Variants in TMEM101 observed in about 807,000 individuals in gnomAD.
The protein encoded by TMEM101 is transmembrane protein 101.
A neutral mutation model predicts 26.0 loss-of-function variants in TMEM101; 14 were observed. That is an observed-to-expected ratio of 0.54 (90% CI 0.36 to 0.84). The LOEUF (loss-of-function observed/expected upper bound fraction) is 0.84. Among genes scored for constraint, TMEM101 ranks in the 40% least tolerant of loss-of-function variants. The pLI, the probability that TMEM101 is intolerant of heterozygous loss-of-function variation, is 0.01. For synonymous variants in TMEM101, 152 were observed against 145.1 expected (o/e 1.05, Z -0.34); for missense variants, 292 against 345.1 (o/e 0.85, Z 1.22).
rs1028311169 is a variant in TMEM101, at chr17:44,012,395, C to G, written c.466-159G>C. ...CTGAAAGTAGGGCCTTTGTCTCCCC[C>G]TCGGACTATGGAGCCCCAGGAGATT... On this transcript the variant is annotated intron_variant, in intron 3 of 3. Coordinates refer to ENST00000206380, the MANE Select transcript of TMEM101 (RefSeq NM_032376.4). The G allele has an allele frequency of 7.4e-6, 5 of 676,076 alleles. No homozygotes were observed. The African/African-American group carries it at 9.1e-5, about 12-fold the overall frequency. 41.9% of individuals were successfully genotyped at this position (676,076 alleles called of 1,614,324 possible). A position where few individuals can be genotyped will look rare whatever the true frequency, so the allele number is the denominator to read the frequency against.
intron 3 of TMEM101, 98 bp downstream of exon 3, chr17:44,012,911 G>A: frequency 7.5e-7 from 1 of 1,337,812 alleles, no homozygotes; most frequent in African/African-American, 1.5e-5. Context: ...ACTGCACTCA[G>A]GGCCTCGTTC....
upstream of TMEM101, chr17:44,015,184 AG>A: frequency 1.0e-5 from 5 of 488,530 alleles, no homozygotes; most frequent in Non-Finnish European, 1.5e-5. Context: ...GACTAGAGGA[AG>A]GAACAGTGGG....
chr17:44,019,777 T>C (rs77955262), upstream of TMEM101, among the ~76,000 whole-genome samples: 24 of 152,178 alleles, frequency 1.6e-4, no homozygotes, highest in African/African-American at 4.8e-4. Flanking sequence ...ACAATTGATA[T>C]AGATTACAGA....
chr17:44,013,140 G>C lies in TMEM101; in HGVS notation c.334C>G (p.Arg112Gly). The change falls in exon 3 of 4, where the codon CGC becomes GGC. Residue 112 changes from arginine (R) to glycine (G), a missense_variant. Arg to Gly is a moderately radical substitution (Grantham distance 125, BLOSUM62 -2). This residue lies in a region of TMEM101 where 149 missense variants were observed against 211.9 expected (regional missense o/e 0.70). Transcript: ENST00000206380. ...GDWLKVRMYSRTVAIIGGFLV... is the reference protein window; with the variant it reads ...GDWLKVRMYSGTVAIIGGFLV... Reference sequence around the variant, plus strand: ...AAGCCGCCGATGATGGCAACTGTGCGCGAGTACATACGGACCTAGGCCGGG... The same window carrying C: ...AAGCCGCCGATGATGGCAACTGTGCCCGAGTACATACGGACCTAGGCCGGG... The C allele has an allele frequency of 6.3e-7, 1 of 1,597,794 alleles. No homozygotes were observed. The highest frequency in any genetic ancestry group is 8.6e-7 in the Non-Finnish European group (1 of 1,168,390).
At chr17:44,014,765 G>T (rs761706289) in intron 1 of TMEM101, 51 bp downstream of exon 1, 2 of 1,522,572 alleles carry the variant, frequency 1.3e-6, no homozygotes, top group South Asian at 2.6e-5. Context: ...CCAATTTCTT[G>T]CCCACATCAC....
At chr17:44,020,272 G>A (rs1156805408) in intron 2 of TMEM101, among the ~76,000 whole-genome samples, 6 of 152,186 alleles carry the variant, frequency 3.9e-5, no homozygotes, top group Non-Finnish European at 5.9e-5. Context: ...CCACCTGTAG[G>A]ATTCGCATAC....
chr17:44,019,213 AAG>A, upstream of TMEM101: 1 of 261,102 alleles, frequency 3.8e-6, no homozygotes, highest in Non-Finnish European at 7.5e-6. Context: ...GAGAAAGGAA[AAG>A]AGATATATGT....
Position 44,014,479 on chromosome 17 carries a change from C to T in TMEM101, c.196G>A (p.Ala66Thr), listed in dbSNP as rs866464027. 1.9e-6 allele frequency: 3 copies of T among 1,565,224 alleles called. No homozygotes were observed. Among genetic ancestry groups the T allele is most frequent in the African/African-American group, 1.4e-5 (1 of 74,052 alleles). The change falls in exon 2 of 4, where the codon GCT becomes ACT. Residue 66 changes from alanine (A) to threonine (T), a missense_variant. Around this residue, in one of 2 missense-constraint regions of TMEM101, gnomAD observed 143 missense variants for 133.2 expected, o/e 1.07. Coordinates refer to ENST00000206380, the MANE Select transcript of TMEM101 (RefSeq NM_032376.4). The stretch of plus-strand genomic sequence containing the variant: ...TTCACGCCAAAGGACATGAAACTAG[C>T]GCACAGCACGGCTGCCCCCATGTCG... ...YFDMGAAVLCASFMSFGVKRR... is the reference protein window; with the variant it reads ...YFDMGAAVLCTSFMSFGVKRR...
At chr17:44,014,659 A>G (rs1173610578) in intron 1 of TMEM101, 122 bp from the exon 2 acceptor site, 2 of 1,497,876 alleles carry the variant, frequency 1.3e-6, no homozygotes, top group African/African-American at 2.8e-5. Flanking sequence ...TCCCATGGGC[A>G]GGACCGCCCT....
chr17:44,018,479 A>G (rs1188911810), upstream of TMEM101, among the ~76,000 whole-genome samples: 3 of 152,238 alleles, frequency 2.0e-5, no homozygotes, highest in Non-Finnish European at 4.4e-5. Flanking sequence ...TCTACCCACC[A>G]GTGACAACCA....
chr17:44,018,394 G>GT (rs563195298), upstream of TMEM101, among the ~76,000 whole-genome samples: 98 of 152,330 alleles, frequency 6.4e-4, 2 homozygotes, highest in South Asian at 0.019. Context: ...TTGTATACGT[G>GT]TATGTTGGAG....
upstream of TMEM101, among the ~76,000 whole-genome samples, chr17:44,017,152 C>CA (rs11406745): frequency 0.34 from 45,684 of 135,210 alleles, 8,281 homozygotes; most frequent in East Asian, 0.73. Flanking sequence ...GACTCTGTCT[C>CA]AAAAAAAAAA....
chr17:44,014,947 C>T lies in TMEM101; in HGVS notation c.6G>A (p.Ala2=), dbSNP rs1222980634. M[A]SKIGSRRWML... ...TCCACCGTCTCGAACCTATCTTCGACGCCATCTTGGGAAAGGGCAGTCCGC... is the reference window on the plus strand; with the variant it reads ...TCCACCGTCTCGAACCTATCTTCGATGCCATCTTGGGAAAGGGCAGTCCGC... The change falls in exon 1 of 4, where the codon GCG becomes GCA. Residue 2 remains alanine (A), a synonymous_variant. Transcript: ENST00000206380. The T allele has an allele frequency of 2.5e-6, 4 of 1,611,334 alleles. No homozygotes were observed. The Admixed American group carries it at 6.7e-5, about 27-fold the overall frequency.
chr17:44,015,011 G>A (rs1567947450), upstream of TMEM101: 1 of 1,537,360 alleles, frequency 6.5e-7, no homozygotes, highest in Non-Finnish European at 8.8e-7. Flanking sequence ...GCGCGGGGAT[G>A]GGACACGCAG....
chr17:44,017,107 C>T (rs1183950855), upstream of TMEM101, among the ~76,000 whole-genome samples: 6 of 150,282 alleles, frequency 4.0e-5, no homozygotes, highest in Admixed American at 6.6e-5. Context: ...GCCGAGATCA[C>T]GCCACTGCAC....
chr17:44,012,333 G>T, intron 3 of TMEM101, 97 bp from the exon 4 acceptor site: 2 of 1,202,606 alleles, frequency 1.7e-6, no homozygotes, highest in Non-Finnish European at 2.3e-6. Flanking sequence ...AGTCCCTGCA[G>T]ATGGGCTTCT....
intron 3 of TMEM101, 142 bp downstream of exon 3, chr17:44,012,867 C>A: frequency 2.1e-6 from 2 of 953,224 alleles, no homozygotes; most frequent in African/African-American, 3.3e-5. Context: ...TAGAAGCTGG[C>A]CAGGGCAATT....
At position 44,013,131 on chromosome 17, in the gene TMEM101, C is replaced by G; in HGVS notation, c.343G>C (p.Ala115Pro). The change falls in exon 3 of 4, where the codon GCC becomes CCC. Residue 115 changes from alanine (A) to proline (P), a missense_variant. Physicochemically the swap from Ala to Pro is conservative, Grantham distance 27 (BLOSUM62 -1). Transcript: ENST00000206380. ...AACACAAGAAAGCCGCCGATGATGG[C>G]AACTGTGCGCGAGTACATACGGACC... Reference protein sequence around the residue: ...LKVRMYSRTVAIIGGFLVLAS... With the variant: ...LKVRMYSRTVPIIGGFLVLAS... 1 of 1,605,314 alleles carries G rather than the reference C, an allele frequency of 6.2e-7. No individual in the cohort carries two copies. Among genetic ancestry groups the G allele is most frequent in the Non-Finnish European group, 8.5e-7 (1 of 1,173,790 alleles).
In TMEM101 at chr17:44,012,198, C is replaced by T. The variant is rs376280871; in HGVS notation, c.504G>A (p.Ala168=). 25 of 1,613,880 alleles carry T rather than the reference C, an allele frequency of 1.5e-5. No homozygotes were observed. Among genetic ancestry groups the T allele is most frequent in the Admixed American group, 1.0e-4 (6 of 59,998 alleles). The stretch of plus-strand genomic sequence containing the variant: ...CCCCTCCTGGGAGATGGTTCAGATA[C>T]GCCAGCCGGTCCTCCTTGCTGTGCT... ...SLQHSKEDRL[A]YLNHLPGGEL... is the part of the protein sequence containing the mutation. Residue 168 remains alanine (A), a synonymous_variant, in exon 4 of 4, where the codon GCG becomes GCA. Transcript: ENST00000206380.
Sources: gnomAD v4.1 joint callset for allele counts (sites outside exome capture counted in the v4.1 genomes callset) on GRCh38, gnomAD v4.1.1 for gene constraint, gnomAD v4.1.1 regional missense constraint, MANE v1.5 for transcripts, NCBI Gene and HGNC (gene_info 2026-07-23, HGNC 2026-07-21) for gene names.